MCM9: variants seen among roughly 807,000 people sequenced by gnomAD.
MCM9 encodes the protein minichromosome maintenance 9 homologous recombination repair factor, also known as DNA helicase MCM9.
MCM9 carries 55 observed loss-of-function variants against 72.8 expected under a neutral mutation model. That is an observed-to-expected ratio of 0.76 (90% CI 0.61 to 0.95). The LOEUF is 0.95. Among genes scored for constraint, MCM9 ranks in the 40% least tolerant of loss-of-function variants. MCM9 has a pLI of 0.00. For missense variants in MCM9, 1,279 were observed against 1,377.0 expected (o/e 0.93, Z 1.13); for synonymous variants, 480 against 503.4 (o/e 0.95, Z 0.62).
rs1227364420 is a variant in MCM9 at position 118,834,482 on chromosome 6, G to A, written c.1326-5232C>T. Among the ~76,000 whole-genome samples, 6 of 152,290 alleles carry A rather than the reference G, an allele frequency of 3.9e-5. No homozygotes were observed. The East Asian group carries it at 1.2e-3, about 29-fold the overall frequency. Reference sequence around the variant, plus strand: ...ACTAATTTACACACCCACCAACAGTGTAAAACAGTTCCTATTTCTCCACAT... The same window carrying A: ...ACTAATTTACACACCCACCAACAGTATAAAACAGTTCCTATTTCTCCACAT... On this transcript the variant is annotated intron_variant, in intron 9 of 13. Transcript: ENST00000619706.
At chr6:118,831,265 T>A (rs1774531538) in intron 9 of MCM9, among the ~76,000 whole-genome samples, 1 of 143,218 alleles carries the variant, frequency 7.0e-6, no homozygotes, top group African/African-American at 2.6e-5. Flanking sequence ...GTTGGGAGAA[T>A]CACTTGAGCC....
intron 8 of MCM9, among the ~76,000 whole-genome samples, chr6:118,858,190 T>C (rs905524078): frequency 3.9e-5 from 6 of 152,134 alleles, no homozygotes; most frequent in Non-Finnish European, 5.9e-5. Context: ...ATCCCAGGAA[T>C]GCAAGGTGAA....
At chr6:118,852,357 T>C (rs753401717) in intron 9 of MCM9, among the ~76,000 whole-genome samples, 2 of 151,974 alleles carry the variant, frequency 1.3e-5, no homozygotes, top group Non-Finnish European at 2.9e-5. Context: ...AAAGTTCAAA[T>C]CTCTCACCTT....
At chr6:118,893,904 G>T in intron 8 of MCM9, 1 of 446,088 alleles carries the variant, frequency 2.2e-6, no homozygotes. Context: ...AGGGGCGGGC[G>T]TCGGCCGGAT....
At chr6:118,927,606 CAA>C (rs559044707) in intron 3 of MCM9, among the ~76,000 whole-genome samples, 10 of 125,084 alleles carry the variant, frequency 8.0e-5, no homozygotes, top group Admixed American at 8.1e-5. Context: ...ACTCTTGTCT[CAA>C]AAAAAAAAAA....
At chr6:118,840,428 T>C (rs1241282133) in intron 9 of MCM9, among the ~76,000 whole-genome samples, 2 of 152,112 alleles carry the variant, frequency 1.3e-5, no homozygotes, top group African/African-American at 2.4e-5. Context: ...CTGGCTCATA[T>C]GTAGCATAAT....
At chr6:118,925,590 TGTAGA>T (rs1201001987) in intron 3 of MCM9, among the ~76,000 whole-genome samples, 3 of 152,202 alleles carry the variant, frequency 2.0e-5, no homozygotes, top group Non-Finnish European at 4.4e-5. Flanking sequence ...CTCCATACAC[TGTAGA>T]GTGTATAGAC....
intron 9 of MCM9, among the ~76,000 whole-genome samples, chr6:118,831,634 A>G (rs1377997275): frequency 1.3e-5 from 2 of 152,112 alleles, no homozygotes; most frequent in Non-Finnish European, 2.9e-5. Context: ...TAAAAAAACT[A>G]AATGGGGCTT....
chr6:118,835,316 T>C (rs1774881148), intron 9 of MCM9, among the ~76,000 whole-genome samples: 1 of 152,192 alleles, frequency 6.6e-6, no homozygotes. Context: ...TTGCTTAGGA[T>C]TGTCTTGTCT....
At chr6:118,858,342 G>T (rs1477039476) in intron 8 of MCM9, among the ~76,000 whole-genome samples, 1 of 152,004 alleles carries the variant, frequency 6.6e-6, no homozygotes, top group Non-Finnish European at 1.5e-5. Flanking sequence ...AAAAAATTAG[G>T]AACGGAAGAG....
intron 8 of MCM9, chr6:118,908,230 T>C (rs1171473715): frequency 1.3e-5 from 2 of 152,164 alleles, no homozygotes; most frequent in Non-Finnish European, 2.9e-5. Context: ...AGAACAAATA[T>C]GGCTAATTGT....
chr6:118,915,242 A>G (rs1780843775), intron 6 of MCM9, among the ~76,000 whole-genome samples: 1 of 152,140 alleles, frequency 6.6e-6, no homozygotes, highest in Non-Finnish European at 1.5e-5. Context: ...CATGGAAGAA[A>G]ATGCATTAGC....
At chr6:118,934,418 G>A (rs1782717619) in intron 1 of MCM9, 1 of 152,154 alleles carries the variant, frequency 6.6e-6, no homozygotes, top group East Asian at 1.9e-4. Context: ...GCGAAGCGTC[G>A]AAAAGAAGAC....
intron 9 of MCM9, among the ~76,000 whole-genome samples, chr6:118,838,972 G>A (rs1775165770): frequency 6.6e-6 from 1 of 152,066 alleles, no homozygotes; most frequent in Non-Finnish European, 1.5e-5. Flanking sequence ...TTGAATGTTG[G>A]CCTGTCCTGC....
chr6:118,815,505 C>T lies in MCM9; in HGVS notation c.2751G>A (p.Val917=), dbSNP rs186777836. The stretch of plus-strand genomic sequence containing the variant: ...TGAAAGTAAATTTTGCCAGTTTGGC[C>T]ACAGGGGAACCTGGAGGCTTAACAT... ...IENVKPPGSP[V]AKLAKFTFKQ... is the part of the protein sequence containing the mutation. The change falls in exon 14 of 14, where the codon GTG becomes GTA. Residue 917 remains valine, a synonymous_variant. Transcript: ENST00000619706. 3.1e-5 allele frequency: 48 copies of T among 1,547,594 alleles called. No individual in the cohort carries two copies. In the African/African-American group the frequency reaches 5.1e-4, roughly 16 times the overall value.
intron 8 of MCM9, among the ~76,000 whole-genome samples, chr6:118,896,921 G>C (rs566370083): frequency 6.6e-6 from 1 of 152,132 alleles, no homozygotes; most frequent in African/African-American, 2.4e-5. Flanking sequence ...GCTCCCTGCA[G>C]CCTCAACCTG....
intron 13 of MCM9, among the ~76,000 whole-genome samples, chr6:118,822,687 C>A (rs1004207587): frequency 6.6e-6 from 1 of 152,182 alleles, no homozygotes; most frequent in Non-Finnish European, 1.5e-5. Context: ...TCAGAGCTGG[C>A]AGGCAGGAAA....
intron 8 of MCM9, among the ~76,000 whole-genome samples, chr6:118,902,198 TTATAGA>T (rs1293598234): frequency 1.3e-5 from 2 of 152,174 alleles, no homozygotes; most frequent in African/African-American, 2.4e-5. Context: ...AGCACTGCAG[TTATAGA>T]TATAGGTCAA....
chr6:118,922,190 C>A, intron 4 of MCM9, 104 bp from the exon 5 acceptor site: 1 of 793,938 alleles, frequency 1.3e-6, no homozygotes, highest in Non-Finnish European at 1.9e-6. Context: ...TCTGGTATAT[C>A]ATACGATTTA....
Sources: gnomAD v4.1 joint callset for allele counts (sites outside exome capture counted in the v4.1 genomes callset) on GRCh38, gnomAD v4.1.1 for gene constraint, MANE v1.5 for transcripts, NCBI Gene and HGNC (gene_info 2026-07-23, HGNC 2026-07-21) for gene names.